The following WBP2NL variants were observed in gnomAD, a reference collection of about 807,000 sequenced individuals.
WBP2NL encodes the protein postacrosomal sheath WW domain-binding protein.
A neutral mutation model predicts 23.3 loss-of-function variants in WBP2NL; 27 were observed. The ratio of observed to expected loss-of-function variants is 1.16; its 90% CI spans 0.85 to 1.60. The LOEUF (loss-of-function observed/expected upper bound fraction) is 1.60. WBP2NL is among the 40% of genes most tolerant of loss of function. WBP2NL has a pLI of 0.00. For synonymous variants in WBP2NL, 151 were observed against 145.9 expected (o/e 1.03, Z -0.25); for missense variants, 370 against 389.5 (o/e 0.95, Z 0.42).
chr22:42,026,557 G>A (rs577157534), intron 5 of WBP2NL, among the ~76,000 whole-genome samples: 27 of 152,076 alleles, frequency 1.8e-4, no homozygotes, highest in Admixed American at 1.4e-3. Flanking sequence ...CTATTGATAG[G>A]GTTGTTTTCA....
chr22:42,032,745 T>C (rs1447647755), downstream of WBP2NL: 2 of 470,620 alleles, frequency 4.2e-6, no homozygotes, highest in African/African-American at 2.0e-5. Context: ...TGCTAGAGAA[T>C]AAACTTTCTT....
intron 4 of WBP2NL, among the ~76,000 whole-genome samples, chr22:42,020,866 GTGTATATATA>G (rs1174898888): frequency 0.013 from 203 of 15,518 alleles, 1 homozygote; most frequent in East Asian, 0.081. Flanking sequence ...GTGTGTGTGT[GTGTATATATA>G]TATATATATA....
At chr22:42,019,193 C>A in intron 1 of WBP2NL, 118 bp from the exon 2 acceptor site, 1 of 866,734 alleles carries the variant, frequency 1.2e-6, no homozygotes, top group Non-Finnish European at 1.8e-6. Context: ...TGCACTCCCG[C>A]CTGGGCAACA....
chr22:42,018,666 G>A (rs765660227), intron 1 of WBP2NL, among the ~76,000 whole-genome samples: 17 of 152,016 alleles, frequency 1.1e-4, no homozygotes, highest in Non-Finnish European at 2.4e-4. Flanking sequence ...TTCTTTACCA[G>A]CGTCAAAGAA....
intron 8 of WBP2NL, among the ~76,000 whole-genome samples, chr22:42,037,938 C>A (rs1412628949): frequency 6.6e-6 from 1 of 151,370 alleles, no homozygotes; most frequent in Non-Finnish European, 1.5e-5. Flanking sequence ...AATAATCTTA[C>A]TTTTTCCTTT....
chr22:42,021,807 T>G (rs1602460952), intron 4 of WBP2NL, among the ~76,000 whole-genome samples: 1 of 145,558 alleles, frequency 6.9e-6, no homozygotes, highest in Non-Finnish European at 1.5e-5. Context: ...TTTTTTTTTT[T>G]GAGACAAGGT....
At chr22:42,006,280 G>A (rs926897209) in intron 1 of WBP2NL, among the ~76,000 whole-genome samples, 1 of 151,366 alleles carries the variant, frequency 6.6e-6, no homozygotes, top group African/African-American at 2.4e-5. Flanking sequence ...GAGTGCAGTG[G>A]CACGATCTCC....
intron 5 of WBP2NL, among the ~76,000 whole-genome samples, chr22:42,023,484 C>G (rs557134349): frequency 6.6e-6 from 1 of 152,084 alleles, no homozygotes; most frequent in South Asian, 2.1e-4. Context: ...CATGAGCCAT[C>G]TCTGGCAGCC....
chr22:42,051,747 G>T (rs1380178144), intron 8 of WBP2NL, among the ~76,000 whole-genome samples: 1 of 152,064 alleles, frequency 6.6e-6, no homozygotes, highest in Non-Finnish European at 1.5e-5. Flanking sequence ...ATGTCTGAGG[G>T]CTCCCAAGCT....
At chr22:42,004,132 C>T (rs551860389) in intron 1 of WBP2NL, among the ~76,000 whole-genome samples, 4 of 152,108 alleles carry the variant, frequency 2.6e-5, no homozygotes, top group South Asian at 2.1e-4. Flanking sequence ...ATTTGCCAGG[C>T]GTGGTGGCAC....
At chr22:42,048,790 C>T (rs1313287011) in intron 8 of WBP2NL, among the ~76,000 whole-genome samples, 1 of 151,636 alleles carries the variant, frequency 6.6e-6, no homozygotes, top group Non-Finnish European at 1.5e-5. Context: ...AAAAGAAACC[C>T]TCAGCAAACT....
At position 42,019,333 on chromosome 22, in the gene WBP2NL, G is replaced by A. The variant is rs1173530135; in HGVS notation, c.85G>A (p.Val29Met). 6.2e-7 allele frequency: 1 copy of A among 1,614,054 alleles called. No homozygotes were observed. Among genetic ancestry groups the A allele is most frequent in the Non-Finnish European group, 8.5e-7 (1 of 1,180,014 alleles). The stretch of plus-strand genomic sequence containing the variant: ...CAGTCTCTTGAAGCGGTCTCCGAAT[G>A]TGGAGCTCTCCTTCCCACAGCGATC... ...GESLLKRSPN[V>M]ELSFPQRSEG... Residue 29 changes from valine (V) to methionine (M), a missense_variant, in exon 2 of 6, where the codon GTG (valine) becomes ATG (methionine). Val to Met is a conservative substitution (Grantham distance 21). Transcript: ENST00000328823.
chr22:42,051,293 G>A (rs1217919248), intron 8 of WBP2NL, among the ~76,000 whole-genome samples: 1 of 152,118 alleles, frequency 6.6e-6, no homozygotes, highest in Non-Finnish European at 1.5e-5. Flanking sequence ...TCTGGAAAAG[G>A]CAAAACTATG....
At chr22:42,058,057 C>T (rs1926156446) in intron 8 of WBP2NL, among the ~76,000 whole-genome samples, 3 of 149,336 alleles carry the variant, frequency 2.0e-5, no homozygotes, top group Admixed American at 6.7e-5. Context: ...GCTGGGACTA[C>T]AGGCGCCCAC....
chr22:42,037,196 G>A (rs900642412), downstream of WBP2NL, among the ~76,000 whole-genome samples: 1 of 150,202 alleles, frequency 6.7e-6, no homozygotes, highest in Non-Finnish European at 1.5e-5. Flanking sequence ...ACTGTTTATT[G>A]AACAGATTAT....
At chr22:42,043,461 TGTG>T (rs1426690325) in intron 8 of WBP2NL, among the ~76,000 whole-genome samples, 4 of 152,150 alleles carry the variant, frequency 2.6e-5, no homozygotes, top group African/African-American at 9.7e-5. Context: ...GGGCATATAT[TGTG>T]GTGAAGGCGA....
intron 1 of WBP2NL, chr22:42,003,144 G>A (rs1362604114): frequency 1.5e-5 from 2 of 136,200 alleles, no homozygotes; most frequent in East Asian, 2.3e-4. Flanking sequence ...GGCAACAAGA[G>A]TGAAACTCCA....
chr22:42,020,425 A>G (rs1923785135), intron 4 of WBP2NL, among the ~76,000 whole-genome samples: 2 of 152,132 alleles, frequency 1.3e-5, no homozygotes, highest in South Asian at 4.1e-4. Context: ...GGCAGTTGGT[A>G]TTCGCACACA....
intron 8 of WBP2NL, among the ~76,000 whole-genome samples, chr22:42,038,712 C>G (rs537383063): frequency 4.4e-4 from 67 of 152,166 alleles, no homozygotes; most frequent in African/African-American, 1.4e-3. Context: ...ACGCCATTCT[C>G]CTGCCTCAGC....
Sources: gnomAD v4.1 joint callset for allele counts (sites outside exome capture counted in the v4.1 genomes callset) on GRCh38, gnomAD v4.1.1 for gene constraint, MANE v1.5 for transcripts, NCBI Gene and HGNC (gene_info 2026-07-23, HGNC 2026-07-21) for gene names.